SLCO1C1: variants seen among roughly 807,000 people sequenced by gnomAD.
SLCO1C1 encodes OAT-RP-5.
SLCO1C1 carries 70 observed loss-of-function variants against 76.4 expected under a neutral mutation model. That is an observed-to-expected ratio of 0.92 (90% CI 0.76 to 1.12). The LOEUF (loss-of-function observed/expected upper bound fraction) is 1.12, where lower values mean the gene tolerates loss of function less well. Among genes scored for constraint, SLCO1C1 ranks in the 50% most tolerant of loss-of-function variants. The probability of loss-of-function intolerance (pLI) is 0.00; values close to 1 mark genes in which losing one functional copy is unlikely to be tolerated. For synonymous variants in SLCO1C1, 306 were observed against 286.1 expected (o/e 1.07, Z -0.70); for missense variants, 912 against 823.8 (o/e 1.11, Z -1.31).
intron 10 of SLCO1C1, among the ~76,000 whole-genome samples, chr12:20,734,454 A>C (rs969277373): frequency 6.6e-6 from 1 of 152,186 alleles, no homozygotes; most frequent in Non-Finnish European, 1.5e-5. Flanking sequence ...CTGTCCCAGA[A>C]ATCCTCACGG....
intron 13 of SLCO1C1, among the ~76,000 whole-genome samples, chr12:20,748,704 A>G (rs1199084469): frequency 6.6e-6 from 1 of 151,884 alleles, no homozygotes; most frequent in Admixed American, 6.6e-5. Flanking sequence ...TGACATTTAT[A>G]TTTTTTTCAA....
At chr12:20,737,343 T>C in intron 11 of SLCO1C1, 71 bp downstream of exon 11, 2 of 1,455,046 alleles carry the variant, frequency 1.4e-6, no homozygotes, top group South Asian at 2.8e-5. Context: ...CTATGGGGGC[T>C]CACAGCAGAC....
chr12:20,737,165 A>C lies in SLCO1C1; in HGVS notation c.1441A>C (p.Lys481Gln), dbSNP rs1486713449. The C allele has an allele frequency of 2.6e-6, 4 of 1,564,654 alleles. No homozygotes were observed. In the African/African-American group the frequency reaches 5.6e-5, roughly 22 times the overall value. The change falls in exon 11 of 15, where the codon AAA becomes CAA. Residue 481 changes from lysine (K) to glutamine (Q), a missense_variant. Physicochemically the swap from Lys to Gln is moderately conservative, Grantham distance 53. Coordinates refer to ENST00000266509, the MANE Select transcript of SLCO1C1 (RefSeq NM_017435.5). ...CTTTTCAGATTGCAACTCAAGATGC[A>C]AATGTTCAGAGACAAAATGGGAACC... The part of the protein sequence containing the change: ...ALFSDCNSRC[K>Q]CSETKWEPMC...
intron 10 of SLCO1C1, among the ~76,000 whole-genome samples, chr12:20,733,692 C>T (rs374401768): frequency 1.3e-5 from 2 of 152,276 alleles, no homozygotes; most frequent in East Asian, 1.9e-4. Flanking sequence ...CAACGCCTGT[C>T]CTTCAACCCA....
At chr12:20,734,905 A>G (rs1214028413) in intron 10 of SLCO1C1, among the ~76,000 whole-genome samples, 1 of 152,176 alleles carries the variant, frequency 6.6e-6, no homozygotes, top group African/African-American at 2.4e-5. Context: ...AATATTCTTA[A>G]CAAGGGCAAA....
At chr12:20,710,825 GA>G (rs939037159) in intron 4 of SLCO1C1, among the ~76,000 whole-genome samples, 1 of 152,222 alleles carries the variant, frequency 6.6e-6, no homozygotes, top group South Asian at 2.1e-4. Flanking sequence ...CTCTGACTCA[GA>G]AAAAATCATG....
At chr12:20,721,703 T>C in intron 7 of SLCO1C1, 101 bp from the exon 8 acceptor site, 1 of 1,352,368 alleles carries the variant, frequency 7.4e-7, no homozygotes, top group South Asian at 1.6e-5. Context: ...TTAGGTATTT[T>C]ATGATGTTAT....
chr12:20,699,490 A>T, intron 1 of SLCO1C1, 62 bp from the exon 2 acceptor site: 1 of 1,348,986 alleles, frequency 7.4e-7, no homozygotes, highest in Non-Finnish European at 9.8e-7. Context: ...ACTGTTGAAT[A>T]AAAAAATTTA....
At chr12:20,699,423 T>C in intron 1 of SLCO1C1, 129 bp from the exon 2 acceptor site, 1 of 745,168 alleles carries the variant, frequency 1.3e-6, no homozygotes, top group Non-Finnish European at 2.0e-6. Flanking sequence ...ATTTGCCAAC[T>C]TACTGTGACA....
chr12:20,740,525 G>A (rs1386824417), intron 12 of SLCO1C1, among the ~76,000 whole-genome samples, 157 bp downstream of exon 12: 1 of 151,490 alleles, frequency 6.6e-6, no homozygotes, highest in Admixed American at 6.6e-5. Flanking sequence ...CGCACTTTGG[G>A]TATTTATACA....
intron 11 of SLCO1C1, among the ~76,000 whole-genome samples, chr12:20,738,431 T>C (rs1948647977): frequency 6.6e-6 from 1 of 152,116 alleles, no homozygotes; most frequent in Non-Finnish European, 1.5e-5. Flanking sequence ...TATTTATATA[T>C]CCTTATCAAC....
rs185712923 is a variant in SLCO1C1 at position 20,729,631 on chromosome 12, C to T, written c.1187-3278C>T. Among the ~76,000 whole-genome samples, 205 of 151,872 alleles carry T rather than the reference C, an allele frequency of 1.3e-3. 1 individual carries two copies. Among genetic ancestry groups the T allele is most frequent in the African/African-American group, 4.6e-3 (191 of 41,428 alleles). ...TATGTCCCCTGGAAGCCCCATATGG[C>T]TGGTGGAACCTGTGAGAAGGAACTC... On this transcript the variant is annotated intron_variant, in intron 9 of 14. Coordinates refer to ENST00000266509, the MANE Select transcript of SLCO1C1 (RefSeq NM_017435.5).
chr12:20,725,062 TTATA>T (rs920425611), intron 9 of SLCO1C1, among the ~76,000 whole-genome samples: 32 of 133,594 alleles, frequency 2.4e-4, no homozygotes, highest in African/African-American at 7.9e-4. Context: ...TAATTATATA[TTATA>T]TATATTATAA....
chr12:20,746,830 C>A (rs1452478056), intron 13 of SLCO1C1, among the ~76,000 whole-genome samples: 1 of 145,914 alleles, frequency 6.9e-6, no homozygotes. Context: ...TTTTCAAAAA[C>A]CATTAGTAAG....
intron 1 of SLCO1C1, 123 bp downstream of exon 1, chr12:20,695,930 T>TC (rs1190381600): frequency 6.6e-6 from 1 of 152,080 alleles, no homozygotes; most frequent in Non-Finnish European, 1.5e-5. Context: ...AAGGTGATGA[T>TC]CCCCTCATTA....
rs2120717214 is a variant in SLCO1C1 at position 20,717,193 on chromosome 12, T to C, written c.738T>C (p.Cys246=). 6.2e-7 allele frequency: 1 copy of C among 1,600,120 alleles called. No homozygotes were observed. The highest frequency in any genetic ancestry group is 1.4e-5 in the African/African-American group (1 of 73,906). The change falls in exon 7 of 15, where the codon TGT becomes TGC. Residue 246 remains cysteine (C), a synonymous_variant. Transcript: ENST00000266509. ...PIFGFLLGSL[C]AKLYVDIGFV... ...TTGGTTTCCTGTTAGGCTCATTATGTGCCAAACTATATGTTGACATTGGCT... is the reference window on the plus strand; with the variant it reads ...TTGGTTTCCTGTTAGGCTCATTATGCGCCAAACTATATGTTGACATTGGCT...
chr12:20,735,031 C>G (rs1948475038), intron 10 of SLCO1C1, among the ~76,000 whole-genome samples: 1 of 152,138 alleles, frequency 6.6e-6, no homozygotes, highest in African/African-American at 2.4e-5. Context: ...AATTAAAATT[C>G]TAAATTACAA....
intron 3 of SLCO1C1, among the ~76,000 whole-genome samples, chr12:20,703,107 A>G (rs1222595914): frequency 6.6e-6 from 1 of 151,942 alleles, no homozygotes; most frequent in Non-Finnish European, 1.5e-5. Flanking sequence ...TCTTACTTCC[A>G]TTGAAAACCT....
Position 20,752,709 on chromosome 12 carries a change from C to T in SLCO1C1, c.*181C>T. On this transcript the variant is annotated 3_prime_UTR_variant, in exon 15 of 15. Transcript: ENST00000266509. ...ATACTGAAACATATAATGGAAGATG[C>T]AGATGATAAAACTAATTTTGAACTT... is the stretch of plus-strand genomic sequence containing the variant. 2.5e-6 allele frequency: 1 copy of T among 406,086 alleles called. No homozygotes were observed. The highest frequency in any genetic ancestry group is 3.7e-5 in the East Asian group (1 of 27,082). The allele number at this position is 406,086 out of a possible 1,614,324, so 25.2% of individuals were successfully genotyped here. A position where few individuals can be genotyped will look rare whatever the true frequency, so the allele number is the denominator to read the frequency against.
Sources: gnomAD v4.1 joint callset for allele counts (sites outside exome capture counted in the v4.1 genomes callset) on GRCh38, gnomAD v4.1.1 for gene constraint, MANE v1.5 for transcripts, NCBI Gene and HGNC (gene_info 2026-07-23, HGNC 2026-07-21) for gene names.